CDH12: variants seen among roughly 807,000 people sequenced by gnomAD.
CDH12 encodes cadherin-12.
CDH12 carries 41 observed loss-of-function variants against 74.1 expected under a neutral mutation model. That is an observed-to-expected ratio of 0.55 (90% CI 0.43 to 0.72). The LOEUF (loss-of-function observed/expected upper bound fraction) is 0.72. Ranked by LOEUF, CDH12 falls within the 30% of genes least tolerant of loss-of-function variation. The pLI, the probability that CDH12 is intolerant of heterozygous loss-of-function variation, is 0.00. For missense variants in CDH12, 945 were observed against 977.2 expected, an observed-to-expected ratio of 0.97 and a Z score of 0.44; for synonymous variants, 399 against 355.0, an observed-to-expected ratio of 1.12 and a Z score of -1.39.
chr5:22,577,035 C>T (rs1739826800), intron 1 of CDH12, among the ~76,000 whole-genome samples: 1 of 152,012 alleles, frequency 6.6e-6, no homozygotes, highest in Non-Finnish European at 1.5e-5. Flanking sequence ...AGAGAAATGG[C>T]ATTAAAACAT....
chr5:22,083,546 G>A (rs1322009443), intron 4 of CDH12, among the ~76,000 whole-genome samples: 1 of 152,106 alleles, frequency 6.6e-6, no homozygotes, highest in Non-Finnish European at 1.5e-5. Flanking sequence ...TCATTGAATG[G>A]TAATAGCTAA....
chr5:22,602,189 A>G (rs552677915), intron 1 of CDH12, among the ~76,000 whole-genome samples: 1 of 152,222 alleles, frequency 6.6e-6, no homozygotes, highest in African/African-American at 2.4e-5. Flanking sequence ...AAAGGGCGAG[A>G]CTTCTCTCAC....
intron 2 of CDH12, among the ~76,000 whole-genome samples, chr5:22,460,866 G>T (rs1472077153): frequency 6.7e-6 from 1 of 149,484 alleles, no homozygotes; most frequent in African/African-American, 2.5e-5. Context: ...GATTACAGGC[G>T]CCTGCCACCA....
rs1757180212 is a variant in CDH12 at position 21,978,800 on chromosome 5, TTAAAA to T, written c.232-3420_232-3416del. ...TATGTGTTTTCTGGGGTTTATTTCC[TTAAAA>T]TAAAAAGGCAACTGTCAAGACTAAA... is the stretch of plus-strand genomic sequence containing the variant. On this transcript the variant is annotated intron_variant, in intron 5 of 14. Coordinates refer to ENST00000382254, the MANE Select transcript of CDH12 (RefSeq NM_004061.5). Among the ~76,000 whole-genome samples the T allele has an allele frequency of 1.3e-5, 2 of 152,196 alleles. 1 individual carries two copies. The highest frequency in any genetic ancestry group is 4.1e-4 in the South Asian group (2 of 4,830).
chr5:22,337,553 AATG>A (rs754786822), intron 3 of CDH12, among the ~76,000 whole-genome samples: 48 of 152,088 alleles, frequency 3.2e-4, no homozygotes, highest in Non-Finnish European at 5.0e-4. Flanking sequence ...TGGTTTCAAA[AATG>A]AGAGTTTCCC....
chr5:21,840,382 A>T (rs1396844775), intron 8 of CDH12, among the ~76,000 whole-genome samples: 3 of 152,178 alleles, frequency 2.0e-5, no homozygotes. Context: ...TTACTAAAGT[A>T]ACCCTAGGCA....
intron 1 of CDH12, among the ~76,000 whole-genome samples, chr5:22,714,806 T>A (rs992895916): frequency 6.6e-6 from 1 of 152,206 alleles, no homozygotes; most frequent in Non-Finnish European, 1.5e-5. Context: ...AGCAGAATGA[T>A]CTTTTCCATG....
chr5:22,229,773 C>G (rs955192982), intron 3 of CDH12, among the ~76,000 whole-genome samples: 19 of 152,140 alleles, frequency 1.2e-4, no homozygotes, highest in South Asian at 1.0e-3. Flanking sequence ...GCAGTTTCTC[C>G]TGCACTCCGG....
chr5:22,258,118 G>GT lies in CDH12; in HGVS notation c.-332-45476dup, dbSNP rs1287747292. Among the ~76,000 whole-genome samples the GT allele has an allele frequency of 3.6e-4, 55 of 150,902 alleles. 2 individuals are homozygous for GT. The highest frequency in any genetic ancestry group is 2.9e-5 in the Non-Finnish European group (2 of 67,850). On this transcript the variant is annotated intron_variant, in intron 3 of 14. Coordinates refer to ENST00000382254, the MANE Select transcript of CDH12 (RefSeq NM_004061.5). ...AAAGTTTTTTTTGCTTTTATTTTTT[G>GT]TTTTTTACCATCTTGTGAAAGGTTT... is the stretch of plus-strand genomic sequence containing the variant.
At chr5:21,998,154 CTG>C (rs1736402685) in intron 5 of CDH12, among the ~76,000 whole-genome samples, 1 of 151,974 alleles carries the variant, frequency 6.6e-6, no homozygotes, top group Admixed American at 6.6e-5. Flanking sequence ...TCTTATGTAA[CTG>C]TTAATTTTTC....
intron 1 of CDH12, among the ~76,000 whole-genome samples, chr5:22,628,320 A>G (rs1738405575): frequency 6.6e-6 from 1 of 152,080 alleles, no homozygotes; most frequent in Non-Finnish European, 1.5e-5. Context: ...CGCATGAACT[A>G]TGCTATAAAG....
intron 1 of CDH12, among the ~76,000 whole-genome samples, chr5:22,614,969 G>A (rs936046256): frequency 5.9e-5 from 9 of 152,056 alleles, no homozygotes; most frequent in African/African-American, 1.9e-4. Context: ...GAAGATTCAT[G>A]TCATCCAGGG....
chr5:22,703,802 T>A lies in CDH12; in HGVS notation c.-523+149256A>T, dbSNP rs181807593. Among the ~76,000 whole-genome samples, 1,040 of 152,312 alleles carry A rather than the reference T, an allele frequency of 6.8e-3. 8 individuals carry two copies. The highest frequency in any genetic ancestry group is 0.011 in the Non-Finnish European group (777 of 68,014). On this transcript the variant is annotated intron_variant, in intron 1 of 14. Transcript: ENST00000382254. Reference sequence around the variant, plus strand: ...AACTTTAAATAAAATGTAATTTTAATAAGAAATGTTGGAGCTGGTTTTTCA... The same window carrying A: ...AACTTTAAATAAAATGTAATTTTAAAAAGAAATGTTGGAGCTGGTTTTTCA...
intron 1 of CDH12, among the ~76,000 whole-genome samples, chr5:22,590,826 C>G (rs182011318): frequency 1.4e-4 from 21 of 152,148 alleles, no homozygotes; most frequent in Admixed American, 1.4e-3. Context: ...CTGTATGTTT[C>G]CTCCTATTTT....
chr5:22,395,636 A>G (rs1742423357), intron 3 of CDH12, among the ~76,000 whole-genome samples: 1 of 152,088 alleles, frequency 6.6e-6, no homozygotes, highest in Admixed American at 6.6e-5. Context: ...AATATAAGAT[A>G]TGTCTAATAT....
chr5:21,967,945 A>G (rs1328315429), intron 6 of CDH12, among the ~76,000 whole-genome samples: 3 of 152,202 alleles, frequency 2.0e-5, no homozygotes, highest in Non-Finnish European at 4.4e-5. Flanking sequence ...GTGGAAGCTG[A>G]TAATTGGTGT....
chr5:22,807,524 A>G (rs1014757539), intron 1 of CDH12, among the ~76,000 whole-genome samples: 1 of 152,180 alleles, frequency 6.6e-6, no homozygotes, highest in African/African-American at 2.4e-5. Context: ...ACAGAGATAT[A>G]TTCTGAGAAA....
chr5:22,749,644 T>G (rs1227461770), intron 1 of CDH12, among the ~76,000 whole-genome samples: 23 of 152,180 alleles, frequency 1.5e-4, no homozygotes, highest in Admixed American at 1.5e-3. Flanking sequence ...AAGGCAATGG[T>G]ATTCAAATAT....
chr5:22,060,925 C>G (rs540892787), intron 5 of CDH12, among the ~76,000 whole-genome samples: 2 of 152,138 alleles, frequency 1.3e-5, no homozygotes, highest in South Asian at 2.1e-4. Context: ...TATCTATCTG[C>G]TTTGCCCCTA....
Sources: gnomAD v4.1 joint callset for allele counts (sites outside exome capture counted in the v4.1 genomes callset) on GRCh38, gnomAD v4.1.1 for gene constraint, MANE v1.5 for transcripts, NCBI Gene and HGNC (gene_info 2026-07-23, HGNC 2026-07-21) for gene names.